The following CRACD variants were observed in gnomAD, a reference collection of about 807,000 sequenced individuals.
The protein encoded by CRACD is capping protein inhibiting regulator of actin dynamics.
A neutral mutation model predicts 106.8 loss-of-function variants in CRACD; 56 were observed. The ratio of observed to expected loss-of-function variants is 0.52; its 90% CI spans 0.42 to 0.66. The LOEUF (loss-of-function observed/expected upper bound fraction) is 0.66, where lower values mean the gene tolerates loss of function less well. Among genes scored for constraint, CRACD ranks in the 30% least tolerant of loss-of-function variants. CRACD has a pLI of 0.00. For synonymous variants in CRACD, 754 were observed against 670.8 expected (o/e 1.12, Z -1.92); for missense variants, 1,730 against 1,623.2 (o/e 1.07, Z -1.13).
intron 2 of CRACD, among the ~76,000 whole-genome samples, chr4:56,257,097 T>TG (rs1349490111): frequency 1.7e-4 from 26 of 149,768 alleles, no homozygotes; most frequent in Non-Finnish European, 1.2e-4. Context: ...TTTTTTTTTT[T>TG]TTGAGATGAA....
At chr4:56,187,402 G>C (rs953373920) in intron 2 of CRACD, among the ~76,000 whole-genome samples, 1 of 152,080 alleles carries the variant, frequency 6.6e-6, no homozygotes, top group Admixed American at 6.5e-5. Flanking sequence ...TTATGTCAAC[G>C]TGTTTCTTAA....
intron 1 of CRACD, among the ~76,000 whole-genome samples, chr4:56,163,444 T>C: frequency 6.6e-6 from 1 of 152,188 alleles, no homozygotes; most frequent in East Asian, 1.9e-4. Flanking sequence ...CCTTTAACAA[T>C]CTCAAAGGAA....
intron 1 of CRACD, among the ~76,000 whole-genome samples, chr4:56,148,386 G>A (rs1210544580): frequency 6.6e-6 from 1 of 151,946 alleles, no homozygotes; most frequent in Non-Finnish European, 1.5e-5. Context: ...AACTTGTGGG[G>A]CTCAAGGGAT....
intron 2 of CRACD, among the ~76,000 whole-genome samples, chr4:56,265,403 G>T (rs471936): frequency 0.04 from 3,068 of 77,372 alleles, 55 homozygotes; most frequent in East Asian, 0.11. Flanking sequence ...ATAGAGGAGG[G>T]GTGTGTGTGT....
At chr4:56,082,223 A>G (rs986744221) in intron 1 of CRACD, among the ~76,000 whole-genome samples, 6 of 152,168 alleles carry the variant, frequency 3.9e-5, no homozygotes, top group African/African-American at 1.4e-4. Flanking sequence ...CCATGCAGCA[A>G]TCTGGGCATT....
In CRACD at chr4:56,314,881, G is replaced by GC; in HGVS notation, c.1379_1380insC (p.Arg461AlafsTer54). On this transcript the variant is annotated frameshift_variant, in exon 8 of 11. Transcript: ENST00000682029. LOFTEE classifies it high-confidence loss of function. The surrounding 1 kb of genome is among the most constrained non-coding windows in gnomAD (Gnocchi z 4.4). The stretch of plus-strand genomic sequence containing the variant: ...GAGGAGCAGAACCCAGAGGCCGAGC[G>GC]GCGAAGAGAGCAGCAGGGAAGGAGC... 1 of 1,611,256 alleles carries GC rather than the reference G, an allele frequency of 6.2e-7. No individual in the cohort carries two copies. Among genetic ancestry groups the GC allele is most frequent in the Non-Finnish European group, 8.5e-7 (1 of 1,179,296 alleles).
At chr4:56,137,843 A>G (rs1735058049) in intron 1 of CRACD, among the ~76,000 whole-genome samples, 1 of 152,172 alleles carries the variant, frequency 6.6e-6, no homozygotes, top group South Asian at 2.1e-4. Flanking sequence ...ATAGAGCAAG[A>G]CCCTGTCTCT....
Position 56,315,770 on chromosome 4 carries a change from G to A in CRACD, c.2268G>A (p.Glu756=). 5.0e-6 allele frequency: 8 copies of A among 1,614,224 alleles called. No homozygotes were observed. Among genetic ancestry groups the A allele is most frequent in the Non-Finnish European group, 6.8e-6 (8 of 1,180,046 alleles). ...GACCCATGCTGGGACCCAGCGAAGA[G>A]ACAGCCCCCCAGCCTCCTCCTGCTG... ...RKRPMLGPSE[E]TAPQPPPAGV... Residue 756 remains glutamate, a synonymous_variant, in exon 8 of 11, where the codon GAG becomes GAA. Coordinates refer to ENST00000682029, the MANE Select transcript of CRACD (RefSeq NM_001393381.1). The surrounding 1 kb of genome is among the most constrained non-coding windows in gnomAD (Gnocchi z 4.1).
intron 2 of CRACD, among the ~76,000 whole-genome samples, chr4:56,262,224 T>G (rs867238193): frequency 6.6e-6 from 1 of 152,252 alleles, no homozygotes; most frequent in African/African-American, 2.4e-5. Flanking sequence ...GAGAGTCATC[T>G]GAAATTGGAC....
chr4:56,168,703 A>G (rs1337757188), intron 1 of CRACD, among the ~76,000 whole-genome samples: 3 of 149,104 alleles, frequency 2.0e-5, no homozygotes, highest in Non-Finnish European at 4.5e-5. Context: ...CTACATATAT[A>G]ATATAAATTT....
At chr4:56,153,718 C>A (rs1290010225) in intron 1 of CRACD, among the ~76,000 whole-genome samples, 1 of 152,204 alleles carries the variant, frequency 6.6e-6, no homozygotes, top group Non-Finnish European at 1.5e-5. Context: ...TCTTCAGCCA[C>A]ATCTCATGTT....
At chr4:56,179,132 G>A (rs1250362994) in intron 1 of CRACD, among the ~76,000 whole-genome samples, 152 bp from the exon 2 acceptor site, 1 of 150,556 alleles carries the variant, frequency 6.6e-6, no homozygotes, top group African/African-American at 2.4e-5. Context: ...CAAATCGAAT[G>A]TTGGTAAACC....
rs762283368 is a variant in CRACD at position 56,298,260 on chromosome 4, A to G, written c.31A>G (p.Ile11Val). Residue 11 changes from isoleucine (I) to valine (V), a missense_variant, in exon 4 of 11, where the codon ATT (isoleucine) becomes GTT (valine). Transcript: ENST00000682029. Reference protein sequence around the residue: MGTRAFSHDSIFIPDGGAESE... With the variant: MGTRAFSHDSVFIPDGGAESE... The stretch of plus-strand genomic sequence containing the variant: ...AACCCGGGCATTTTCCCATGACAGT[A>G]TTTTTATCCCTGATGGGGGAGCAGA... 4 of 1,614,140 alleles carry G rather than the reference A, an allele frequency of 2.5e-6. No individual in the cohort carries two copies. Among genetic ancestry groups the G allele is most frequent in the Middle Eastern group, 1.6e-4 (1 of 6,062 alleles).
chr4:56,318,285 C>T (rs1253792323), intron 8 of CRACD, among the ~76,000 whole-genome samples: 5 of 152,090 alleles, frequency 3.3e-5, no homozygotes, highest in Admixed American at 2.0e-4. Context: ...TGTGAGCCAC[C>T]GCACCCAGCT....
In CRACD at chr4:56,326,932, G is replaced by A. The variant is rs576954352; in HGVS notation, c.3542-712G>A. On this transcript the variant is annotated intron_variant, in intron 10 of 10. Coordinates refer to ENST00000682029, the MANE Select transcript of CRACD (RefSeq NM_001393381.1). ...TTTTTGTATTTTTAGTAGAGACAGG[G>A]TTTCACCATGTTGGCCAGGCTGGTC... Among the ~76,000 whole-genome samples the A allele has an allele frequency of 3.3e-5, 5 of 151,934 alleles. No individual in the cohort carries two copies. In the South Asian group the frequency reaches 1.0e-3, roughly 32 times the overall value.
chr4:56,318,530 C>T (rs1745835874), intron 8 of CRACD, among the ~76,000 whole-genome samples: 2 of 152,208 alleles, frequency 1.3e-5, no homozygotes, highest in South Asian at 4.1e-4. Context: ...TGCTTCTGCT[C>T]ACTTCCTTCT....
intron 3 of CRACD, among the ~76,000 whole-genome samples, chr4:56,294,781 G>A (rs1278886423): frequency 3.3e-5 from 5 of 151,886 alleles, no homozygotes; most frequent in Non-Finnish European, 5.9e-5. Context: ...AGGCGTGGTG[G>A]TGGGCACCTG....
chr4:56,327,528 C>A, intron 10 of CRACD, 116 bp from the exon 11 acceptor site: 2 of 888,650 alleles, frequency 2.3e-6, no homozygotes, highest in Non-Finnish European at 3.5e-6. Flanking sequence ...CAATGTTGTA[C>A]ATGACAAATA....
intron 1 of CRACD, among the ~76,000 whole-genome samples, chr4:56,061,344 G>GT (rs1187828655): frequency 5.3e-5 from 8 of 151,866 alleles, no homozygotes; most frequent in Non-Finnish European, 8.8e-5. Flanking sequence ...CAGTTTTTGT[G>GT]GTTTTTTTGT....
Sources: allele counts gnomAD v4.1 joint callset (sites outside exome capture counted in the v4.1 genomes callset), GRCh38; gene constraint gnomAD v4.1.1; non-coding constraint Gnocchi (gnomAD v3.1); transcripts MANE v1.5; gene names NCBI Gene and HGNC (gene_info 2026-07-23, HGNC 2026-07-21).